ANKRD63: variants seen among roughly 807,000 people sequenced by gnomAD.
ANKRD63 encodes ankyrin repeat domain-containing protein 63.
ANKRD63 carries 18 observed loss-of-function variants against 21.2 expected under a neutral mutation model. The observed-to-expected ratio is 0.85, with a 90% CI of 0.59 to 1.26. The LOEUF is 1.26. ANKRD63 is among the 50% of genes most tolerant of loss of function. The pLI, the probability that ANKRD63 is intolerant of heterozygous loss-of-function variation, is 0.00. For missense variants in ANKRD63, 523 were observed against 570.9 expected (o/e 0.92, Z 0.85); for synonymous variants, 322 against 273.3 (o/e 1.18, Z -1.76).
In ANKRD63 at chr15:40,282,133, G is replaced by A. The variant is rs759503599; in HGVS notation, c.454C>T (p.Arg152Cys). 6 of 1,459,996 alleles carry A rather than the reference G, an allele frequency of 4.1e-6. No individual in the cohort carries two copies. The highest frequency in any genetic ancestry group is 1.3e-5 in the South Asian group (1 of 75,592). The allele number at this position is 1,459,996 out of a possible 1,614,324, so 90.4% of individuals were successfully genotyped here. Residue 152 changes from arginine to cysteine, a missense_variant, in exon 1 of 1, where the codon CGT (arginine) becomes TGT (cysteine). Physicochemically the swap from Arg to Cys is radical, Grantham distance 180. Coordinates refer to ENST00000434396, the MANE Select transcript of ANKRD63 (RefSeq NM_001190479.3). ...AGTTGCAGCGCGGTGAGCCCCGCAC[G>A]GTTGGTGCGGTCGAGGCGCAGGCCT... ...RLGLRLDRTN[R>C]AGLTALQLAA... is the part of the protein sequence containing the mutation.
Position 40,282,418 on chromosome 15 carries a change from G to T in ANKRD63, c.169C>A (p.Leu57Met). The T allele has an allele frequency of 6.6e-7, 1 of 1,507,528 alleles. No individual in the cohort carries two copies. Among genetic ancestry groups the T allele is most frequent in the African/African-American group, 1.4e-5 (1 of 69,446 alleles). 93.4% of individuals were successfully genotyped at this position (1,507,528 alleles called of 1,614,324 possible). ...GRTPLMVAVG[L>M]PDPALRARFV... ...CGCGCGCGCAGCGCGGGGTCCGGCA[G>T]CCCCACGGCCACCATGAGCGGCGTA... Residue 57 changes from leucine to methionine, a missense_variant, in exon 1 of 1, where the codon CTG becomes ATG. Physicochemically the swap from Leu to Met is conservative, Grantham distance 15 (BLOSUM62 2). This residue lies in a region of ANKRD63 where 215 missense variants were observed against 280.4 expected (regional missense o/e 0.77). Coordinates refer to ENST00000434396, the MANE Select transcript of ANKRD63 (RefSeq NM_001190479.3).
Position 40,281,544 on chromosome 15 carries a change from C to G in ANKRD63, c.1043G>C (p.Ser348Thr). Residue 348 changes from serine to threonine, a missense_variant, in exon 1 of 1, where the codon AGT (serine) becomes ACT (threonine). This residue lies in a region of ANKRD63 where 308 missense variants were observed against 290.4 expected (regional missense o/e 1.06). Transcript: ENST00000434396. ...AGCGTTGGCCTCTAACTCCGGGCCA[C>G]TCTCGGGCCCTGGCGCCTCCCCGAC... ...SLVGEAPGPE[S>T]GPELEANALS... 1 of 1,529,866 alleles carries G rather than the reference C, an allele frequency of 6.5e-7. No individual in the cohort carries two copies. The highest frequency in any genetic ancestry group is 8.7e-7 in the Non-Finnish European group (1 of 1,143,804). The allele number at this position is 1,529,866 out of a possible 1,614,324, so 94.8% of individuals were successfully genotyped here. A position where few individuals can be genotyped will look rare whatever the true frequency, so the allele number is the denominator to read the frequency against.
Position 40,281,372 on chromosome 15 carries a change from C to T in ANKRD63, c.*72G>A. ...GGGCGGCTGCCGAAAAGGTGAGGGACCTAGAAGAGAGAAATACCAGTGGAG... is the reference window on the plus strand; with the variant it reads ...GGGCGGCTGCCGAAAAGGTGAGGGATCTAGAAGAGAGAAATACCAGTGGAG... On this transcript the variant is annotated 3_prime_UTR_variant, in exon 1 of 1. Transcript: ENST00000434396. 7.8e-7 allele frequency: 1 copy of T among 1,278,242 alleles called. No individual in the cohort carries two copies. 79.2% of individuals were successfully genotyped at this position (1,278,242 alleles called of 1,614,324 possible).
chr15:40,280,754 G>A lies in ANKRD63; in HGVS notation c.*690C>T, dbSNP rs753191704. Among the ~76,000 whole-genome samples the A allele has an allele frequency of 1.0e-3, 153 of 152,232 alleles. 1 individual carries two copies. The highest frequency in any genetic ancestry group is 7.9e-4 in the Non-Finnish European group (54 of 68,046). On this transcript the variant is annotated 3_prime_UTR_variant, in exon 1 of 1. Transcript: ENST00000434396. ...ACATTATCAATGAAGCTGAATCCTG[G>A]GGCAGAGAGAGAGGGAGCTGGAGTT...
chr15:40,281,906 G>T lies in ANKRD63; in HGVS notation c.681C>A (p.Gly227=), dbSNP rs1202969819. The T allele has an allele frequency of 1.4e-6, 2 of 1,404,714 alleles. No individual in the cohort carries two copies. Among genetic ancestry groups the T allele is most frequent in the Non-Finnish European group, 1.8e-6 (2 of 1,089,562 alleles). 87.0% of individuals were successfully genotyped at this position (1,404,714 alleles called of 1,614,324 possible). ...CTGAGCCAGCCTCGCCGCCGTGGCC[G>T]CCCGCCGCTCGCGCAAAGCGCGCCA... ...PLLARFARAA[G]GHGGEAGSAG... is the part of the protein sequence containing the mutation. The change falls in exon 1 of 1, where the codon GGC becomes GGA. Residue 227 remains glycine (G), a synonymous_variant. Transcript: ENST00000434396.
chr15:40,278,374 G>C lies in ANKRD63; in HGVS notation c.*3070C>G, dbSNP rs557242710. The C allele has an allele frequency of 6.6e-6, 1 of 152,220 alleles. No individual in the cohort carries two copies. Among genetic ancestry groups the C allele is most frequent in the South Asian group, 2.1e-4 (1 of 4,828 alleles). 9.4% of individuals were successfully genotyped at this position (152,220 alleles called of 1,614,324 possible). A position where few individuals can be genotyped will look rare whatever the true frequency, so the allele number is the denominator to read the frequency against. ...ATAAGGCAAAGAGAGGCCAGTTCTC[G>C]CAACGGAATAATACACTGGATTTAT... On this transcript the variant is annotated 3_prime_UTR_variant, in exon 1 of 1. Transcript: ENST00000434396.
At position 40,281,474 on chromosome 15, in the gene ANKRD63, G is replaced by T. The variant is rs12440450; in HGVS notation, c.1113C>A (p.Thr371=). The change falls in exon 1 of 1, where the codon ACC becomes ACA. Residue 371 remains threonine (T), a synonymous_variant. Coordinates refer to ENST00000434396, the MANE Select transcript of ANKRD63 (RefSeq NM_001190479.3). The part of the protein sequence containing the change: ...VPGPNPWQAG[T]EAVVLRAQR ...GCTGAGCACGCAGCACCACAGCCTC[G>T]GTGCCCGCCTGCCAAGGGTTCGGCC... 0.24 allele frequency: 339,775 copies of T among 1,427,632 alleles called. 45,176 individuals carry two copies. The highest frequency in any genetic ancestry group is 0.66 in the East Asian group (24,981 of 37,948). 88.4% of individuals were successfully genotyped at this position (1,427,632 alleles called of 1,614,324 possible).
At position 40,281,878 on chromosome 15, in the gene ANKRD63, C is replaced by T. The variant is rs2141003914; in HGVS notation, c.709G>A (p.Gly237Ser). 2 of 1,474,620 alleles carry T rather than the reference C, an allele frequency of 1.4e-6. No individual in the cohort carries two copies. The highest frequency in any genetic ancestry group is 1.5e-5 in the African/African-American group (1 of 68,428). 91.3% of individuals were successfully genotyped at this position (1,474,620 alleles called of 1,614,324 possible). A position where few individuals can be genotyped will look rare whatever the true frequency, so the allele number is the denominator to read the frequency against. ...GGHGGEAGSA[G>S]KNSGRHRAQG... ...GCCCGGTGCCGGCCCGAATTCTTGC[C>T]CGCTGAGCCAGCCTCGCCGCCGTGG... Residue 237 changes from glycine to serine, a missense_variant, in exon 1 of 1, where the codon GGC becomes AGC. This residue lies in a region of ANKRD63 where 308 missense variants were observed against 290.4 expected (regional missense o/e 1.06). Transcript: ENST00000434396.
At position 40,279,775 on chromosome 15, in the gene ANKRD63, G is replaced by T. The variant is rs1362295705; in HGVS notation, c.*1669C>A. Among the ~76,000 whole-genome samples, 1 of 152,248 alleles carries T rather than the reference G, an allele frequency of 6.6e-6. No individual in the cohort carries two copies. Among genetic ancestry groups the T allele is most frequent in the East Asian group, 1.9e-4 (1 of 5,202 alleles). On this transcript the variant is annotated 3_prime_UTR_variant, in exon 1 of 1. Coordinates refer to ENST00000434396, the MANE Select transcript of ANKRD63 (RefSeq NM_001190479.3). Reference sequence around the variant, plus strand: ...GGGAGTTGCTGGCGAGAAACCTTCCGTACTGCAAAGGCAAACAGATCGAAG... The same window carrying T: ...GGGAGTTGCTGGCGAGAAACCTTCCTTACTGCAAAGGCAAACAGATCGAAG...
rs1338219215 is a variant in ANKRD63, at chr15:40,282,756, G to C, written c.-170C>G. On this transcript the variant is annotated 5_prime_UTR_variant, in exon 1 of 1. Coordinates refer to ENST00000434396, the MANE Select transcript of ANKRD63 (RefSeq NM_001190479.3). ...CCTACTCCGCTGTCCCGGAGGCTCC[G>C]ACTGCCCCGCCGCTCCTGGGCCGCA... Among the ~76,000 whole-genome samples, 1 of 152,150 alleles carries C rather than the reference G, an allele frequency of 6.6e-6. No homozygotes were observed. The highest frequency in any genetic ancestry group is 2.4e-5 in the African/African-American group (1 of 41,456).
chr15:40,281,780 A>T lies in ANKRD63; in HGVS notation c.807T>A (p.Ala269=), dbSNP rs2039546255. Residue 269 remains alanine, a synonymous_variant, in exon 1 of 1, where the codon GCT becomes GCA. Coordinates refer to ENST00000434396, the MANE Select transcript of ANKRD63 (RefSeq NM_001190479.3). ...LALGAVTEEE[A]ARLRAGALMA... is the part of the protein sequence containing the mutation. ...TCAGGGCCCCAGCCCGCAGGCGGGC[A>T]GCCTCCTCCTCGGTTACCGCACCTA... 6.5e-7 allele frequency: 1 copy of T among 1,534,970 alleles called. No individual in the cohort carries two copies. The highest frequency in any genetic ancestry group is 1.4e-5 in the African/African-American group (1 of 73,028).
At position 40,281,541 on chromosome 15, in the gene ANKRD63, C is replaced by T; in HGVS notation, c.1046G>A (p.Gly349Asp). 6.5e-7 allele frequency: 1 copy of T among 1,528,728 alleles called. No homozygotes were observed. Among genetic ancestry groups the T allele is most frequent in the Non-Finnish European group, 8.7e-7 (1 of 1,143,184 alleles). The allele number at this position is 1,528,728 out of a possible 1,614,324, so 94.7% of individuals were successfully genotyped here. A position where few individuals can be genotyped will look rare whatever the true frequency, so the allele number is the denominator to read the frequency against. ...CAGAGCGTTGGCCTCTAACTCCGGG[C>T]CACTCTCGGGCCCTGGCGCCTCCCC... ...LVGEAPGPES[G>D]PELEANALSV... The change falls in exon 1 of 1, where the codon GGC (glycine) becomes GAC (aspartate). Residue 349 changes from glycine to aspartate, a missense_variant. Gly to Asp is a moderately conservative substitution (Grantham distance 94). Coordinates refer to ENST00000434396, the MANE Select transcript of ANKRD63 (RefSeq NM_001190479.3).
At position 40,281,272 on chromosome 15, in the gene ANKRD63, G is replaced by A. The variant is rs1163603567; in HGVS notation, c.*172C>T. On this transcript the variant is annotated 3_prime_UTR_variant, in exon 1 of 1. Coordinates refer to ENST00000434396, the MANE Select transcript of ANKRD63 (RefSeq NM_001190479.3). ...CGAGGAGCACAAAAAAGAAGATGGA[G>A]GTCCCTTATTTCTGGTGGAGGGCTG... Among the ~76,000 whole-genome samples the A allele has an allele frequency of 1.3e-5, 2 of 152,234 alleles. No homozygotes were observed. The highest frequency in any genetic ancestry group is 4.8e-5 in the African/African-American group (2 of 41,464).
chr15:40,282,638 C>G lies in ANKRD63; in HGVS notation c.-52G>C, dbSNP rs1659614787. On this transcript the variant is annotated 5_prime_UTR_variant, in exon 1 of 1. Coordinates refer to ENST00000434396, the MANE Select transcript of ANKRD63 (RefSeq NM_001190479.3). ...CTGGCAGTTCCGCACGGGGGCGCCCCTGTTCTCGCGCCCCGCGGGGCTCCG... is the reference window on the plus strand; with the variant it reads ...CTGGCAGTTCCGCACGGGGGCGCCCGTGTTCTCGCGCCCCGCGGGGCTCCG... 4 of 1,303,946 alleles carry G rather than the reference C, an allele frequency of 3.1e-6. No homozygotes were observed. The highest frequency in any genetic ancestry group is 3.9e-6 in the Non-Finnish European group (4 of 1,016,112). The allele number at this position is 1,303,946 out of a possible 1,614,324, so 80.8% of individuals were successfully genotyped here.
chr15:40,281,952 C>CG lies in ANKRD63; in HGVS notation c.634dup (p.Arg212ProfsTer194). ...CGCCAGGAGAGGCCGCGGGAGGCGGCGGGGGCTGGGTCGTCGATGCTCGGG... is the reference window on the plus strand; with the variant it reads ...CGCCAGGAGAGGCCGCGGGAGGCGGCGGGGGGCTGGGTCGTCGATGCTCGGG... On this transcript the variant is annotated frameshift_variant, in exon 1 of 1. Transcript: ENST00000434396. LOFTEE classifies it high-confidence loss of function. 7.7e-7 allele frequency: 1 copy of CG among 1,306,244 alleles called. No homozygotes were observed. Among genetic ancestry groups the CG allele is most frequent in the Non-Finnish European group, 9.7e-7 (1 of 1,030,924 alleles). 80.9% of individuals were successfully genotyped at this position (1,306,244 alleles called of 1,614,324 possible).
At position 40,282,664 on chromosome 15, in the gene ANKRD63, G is replaced by A. The variant is rs925861131; in HGVS notation, c.-78C>T. 1.6e-5 allele frequency: 19 copies of A among 1,155,402 alleles called. No individual in the cohort carries two copies. The highest frequency in any genetic ancestry group is 2.9e-4 in the Middle Eastern group (1 of 3,448). 71.6% of individuals were successfully genotyped at this position (1,155,402 alleles called of 1,614,324 possible). Reference sequence around the variant, plus strand: ...TGTTCTCGCGCCCCGCGGGGCTCCGGCCTCCGCCCGCGCTCTGATACCTCT... The same window carrying A: ...TGTTCTCGCGCCCCGCGGGGCTCCGACCTCCGCCCGCGCTCTGATACCTCT... On this transcript the variant is annotated 5_prime_UTR_variant, in exon 1 of 1. Transcript: ENST00000434396.
chr15:40,281,989 G>C lies in ANKRD63; in HGVS notation c.598C>G (p.Pro200Ala). 1.6e-6 allele frequency: 2 copies of C among 1,217,108 alleles called. No homozygotes were observed. Among genetic ancestry groups the C allele is most frequent in the South Asian group, 3.9e-5 (1 of 25,620 alleles). The allele number at this position is 1,217,108 out of a possible 1,614,324, so 75.4% of individuals were successfully genotyped here. ...CGTCGATGCTCGGGGCTGGCCGCGG[G>C]GGCCGGGCGGCCAGGGGGACTATCG... ...NSDSPPGRPA[P>A]AASPEHRRPS... Residue 200 changes from proline (P) to alanine (A), a missense_variant, in exon 1 of 1, where the codon CCC becomes GCC. Coordinates refer to ENST00000434396, the MANE Select transcript of ANKRD63 (RefSeq NM_001190479.3).
In ANKRD63 at chr15:40,281,670, G is replaced by A. The variant is rs920025830; in HGVS notation, c.917C>T (p.Ala306Val). Residue 306 changes from alanine (A) to valine (V), a missense_variant, in exon 1 of 1, where the codon GCG (alanine) becomes GTG (valine). Physicochemically the swap from Ala to Val is moderately conservative, Grantham distance 64. Coordinates refer to ENST00000434396, the MANE Select transcript of ANKRD63 (RefSeq NM_001190479.3). ...GGGACTGAGGCCAATGGGGGCTTGC[G>A]CTAAGGTTGGGGGCGCTCCCTCCAG... is the stretch of plus-strand genomic sequence containing the variant. ...EVLEGAPPTL[A>V]QAPIGLSPHP... The A allele has an allele frequency of 7.9e-6, 12 of 1,528,242 alleles. No homozygotes were observed. The highest frequency in any genetic ancestry group is 7.4e-5 in the East Asian group (3 of 40,576). The allele number at this position is 1,528,242 out of a possible 1,614,324, so 94.7% of individuals were successfully genotyped here. A position where few individuals can be genotyped will look rare whatever the true frequency, so the allele number is the denominator to read the frequency against.
chr15:40,281,786 C>T lies in ANKRD63; in HGVS notation c.801G>A (p.Glu267=), dbSNP rs1467804983. 1 of 1,535,130 alleles carries T rather than the reference C, an allele frequency of 6.5e-7. No homozygotes were observed. The highest frequency in any genetic ancestry group is 1.4e-5 in the African/African-American group (1 of 73,160). ...CCCCAGCCCGCAGGCGGGCAGCCTC[C>T]TCCTCGGTTACCGCACCTAGAGCCA... ...MSLALGAVTE[E]EAARLRAGAL... The change falls in exon 1 of 1, where the codon GAG becomes GAA. Residue 267 remains glutamate, a synonymous_variant. Coordinates refer to ENST00000434396, the MANE Select transcript of ANKRD63 (RefSeq NM_001190479.3).
Sources: gnomAD v4.1 joint callset for allele counts (sites outside exome capture counted in the v4.1 genomes callset) on GRCh38, gnomAD v4.1.1 for gene constraint, gnomAD v4.1.1 regional missense constraint, MANE v1.5 for transcripts, NCBI Gene and HGNC (gene_info 2026-07-23, HGNC 2026-07-21) for gene names.